Variants in CUBN observed in about 807,000 individuals in gnomAD.
CUBN encodes 460 kDa receptor.
In CUBN, 282 loss-of-function variants were observed where a neutral mutation model predicts 405.3. That is an observed-to-expected ratio of 0.70 (90% CI 0.63 to 0.77). The LOEUF (loss-of-function observed/expected upper bound fraction) is 0.77. Among genes scored for constraint, CUBN ranks in the 30% least tolerant of loss-of-function variants. The pLI, the probability that CUBN is intolerant of heterozygous loss-of-function variation, is 0.00. For synonymous variants in CUBN, 1,684 were observed against 1,617.0 expected, an observed-to-expected ratio of 1.04 and a Z score of -0.99; for missense variants, 4,514 against 4,475.2, an observed-to-expected ratio of 1.01 and a Z score of -0.25.
chr10:17,011,351 G>A (rs1186268467), intron 28 of CUBN, among the ~76,000 whole-genome samples: 1 of 152,104 alleles, frequency 6.6e-6, no homozygotes, highest in Non-Finnish European at 1.5e-5. Context: ...GTGGGTTCGT[G>A]GTCTCGCTGA....
chr10:16,928,229 C>T lies in CUBN; in HGVS notation c.6199G>A (p.Glu2067Lys). Reference sequence around the variant, plus strand: ...GAGGTGAAGCGGATGAACATGTACTCTCCAGTAGACCGGATGGGCCCAGGG... The same window carrying T: ...GAGGTGAAGCGGATGAACATGTACTTTCCAGTAGACCGGATGGGCCCAGGG... Reference protein sequence around the residue: ...EIPGPIRSTGEYMFIRFTSDS... With the variant: ...EIPGPIRSTGKYMFIRFTSDS... The change falls in exon 41 of 67, where the codon GAG becomes AAG. Residue 2067 changes from glutamate to lysine, a missense_variant. By Grantham distance (56) the Glu-to-Lys change is moderately conservative (BLOSUM62 1). This residue lies in a region of CUBN where 1,613 missense variants were observed against 1,542.8 expected (regional missense o/e 1.05). Transcript: ENST00000377833. The T allele has an allele frequency of 6.2e-7, 1 of 1,613,994 alleles. No individual in the cohort carries two copies. Among genetic ancestry groups the T allele is most frequent in the Non-Finnish European group, 8.5e-7 (1 of 1,179,906 alleles).
chr10:16,868,677 G>C (rs563176128), intron 59 of CUBN, among the ~76,000 whole-genome samples: 1 of 152,214 alleles, frequency 6.6e-6, no homozygotes, highest in South Asian at 2.1e-4. Flanking sequence ...TTTCTCACCA[G>C]TGGTGTTTGA....
chr10:16,855,558 C>T (rs1002976590), intron 59 of CUBN, among the ~76,000 whole-genome samples: 1 of 152,098 alleles, frequency 6.6e-6, no homozygotes, highest in Non-Finnish European at 1.5e-5. Context: ...ACAGCCAACC[C>T]GCAGCTTGGA....
chr10:16,859,860 T>C (rs1351254793), intron 59 of CUBN, among the ~76,000 whole-genome samples: 1 of 152,200 alleles, frequency 6.6e-6, no homozygotes, highest in Non-Finnish European at 1.5e-5. Context: ...GTACCTATTA[T>C]GTACGTAGAA....
chr10:17,125,753 G>A (rs546970086), intron 4 of CUBN, among the ~76,000 whole-genome samples: 1 of 152,186 alleles, frequency 6.6e-6, no homozygotes, highest in Non-Finnish European at 1.5e-5. Flanking sequence ...AGGGATGAGG[G>A]TAGGAGGACT....
intron 31 of CUBN, among the ~76,000 whole-genome samples, chr10:16,955,997 T>C (rs1042234102): frequency 1.3e-5 from 2 of 151,500 alleles, no homozygotes; most frequent in African/African-American, 4.9e-5. Flanking sequence ...TTGCCATTTA[T>C]ATTTCATAAG....
chr10:16,954,358 T>C, intron 32 of CUBN, 31 bp downstream of exon 32: 1 of 1,613,524 alleles, frequency 6.2e-7, no homozygotes, highest in Non-Finnish European at 8.5e-7. Context: ...AAGATTTCTC[T>C]TGTGCCTGGG....
chr10:16,842,389 T>C (rs1199831665), intron 60 of CUBN, among the ~76,000 whole-genome samples: 1 of 152,152 alleles, frequency 6.6e-6, no homozygotes, highest in African/African-American at 2.4e-5. Flanking sequence ...TCTCAATAAA[T>C]ATCTAATAAA....
chr10:16,962,153 G>A (rs1843244222), intron 31 of CUBN, among the ~76,000 whole-genome samples: 1 of 152,082 alleles, frequency 6.6e-6, no homozygotes, highest in African/African-American at 2.4e-5. Context: ...TTCTTAATCT[G>A]CAAAATTGGA....
At chr10:16,961,704 C>CTTT (rs138499807) in intron 31 of CUBN, among the ~76,000 whole-genome samples, 33 of 74,036 alleles carry the variant, frequency 4.5e-4, no homozygotes, top group South Asian at 4.0e-3. Flanking sequence ...AAAGCAATCC[C>CTTT]TTTTTTTTTT....
chr10:17,012,131 GT>G (rs779961072), intron 28 of CUBN, among the ~76,000 whole-genome samples: 13 of 152,138 alleles, frequency 8.5e-5, no homozygotes, highest in Non-Finnish European at 1.9e-4. Context: ...CTCATTTGGG[GT>G]TCCATTTGTA....
chr10:17,035,393 G>A (rs899134377), intron 27 of CUBN, among the ~76,000 whole-genome samples: 8 of 152,202 alleles, frequency 5.3e-5, no homozygotes, highest in African/African-American at 1.7e-4. Context: ...GGGAAACACG[G>A]ATGGCATGGA....
intron 66 of CUBN, among the ~76,000 whole-genome samples, chr10:16,828,222 G>A (rs1838851872): frequency 6.6e-6 from 1 of 152,066 alleles, no homozygotes; most frequent in African/African-American, 2.4e-5. Flanking sequence ...CCGATTCAGT[G>A]GGTTTCGGTG....
intron 48 of CUBN, among the ~76,000 whole-genome samples, chr10:16,912,423 A>G (rs1246959316): frequency 2.0e-5 from 3 of 152,202 alleles, no homozygotes; most frequent in African/African-American, 4.8e-5. Flanking sequence ...CTTGACCTCA[A>G]GGAGCTCACA....
At chr10:17,057,031 T>C (rs549739727) in intron 22 of CUBN, among the ~76,000 whole-genome samples, 1 of 152,018 alleles carries the variant, frequency 6.6e-6, no homozygotes, top group Non-Finnish European at 1.5e-5. Context: ...AATGAAAAGA[T>C]TGGCAATATT....
rs1026878996 is a variant in CUBN at position 16,824,255 on chromosome 10, G to A, written c.*720C>T. On this transcript the variant is annotated 3_prime_UTR_variant, in exon 67 of 67. Coordinates refer to ENST00000377833, the MANE Select transcript of CUBN (RefSeq NM_001081.4). ...TTTTGTAAAAATCAGGTCTCACTTT[G>A]TTGCCCAGGCTGGTCTCAAACTCCT... is the stretch of plus-strand genomic sequence containing the variant. 6.6e-6 allele frequency: 1 copy of A among 151,962 alleles called. No homozygotes were observed. The highest frequency in any genetic ancestry group is 2.4e-5 in the African/African-American group (1 of 41,350). The allele number at this position is 151,962 out of a possible 1,614,324, so 9.4% of individuals were successfully genotyped here.
intron 27 of CUBN, among the ~76,000 whole-genome samples, chr10:17,039,335 A>T (rs533585895): frequency 1.1e-4 from 17 of 152,342 alleles, no homozygotes; most frequent in Non-Finnish European, 1.6e-4. Context: ...TTATCATTAG[A>T]CTGATACTAA....
At chr10:17,073,811 C>T (rs1430042616) in intron 17 of CUBN, among the ~76,000 whole-genome samples, 1 of 152,192 alleles carries the variant, frequency 6.6e-6, no homozygotes, top group African/African-American at 2.4e-5. Context: ...CAAAACCTAC[C>T]TCTGTCACTT....
intron 31 of CUBN, among the ~76,000 whole-genome samples, chr10:16,959,488 T>G (rs1269485247): frequency 6.6e-6 from 1 of 151,956 alleles, no homozygotes; most frequent in Non-Finnish European, 1.5e-5. Context: ...ATTAGCCAGA[T>G]GTAGTGGCAC....
Sources: allele counts gnomAD v4.1 joint callset (sites outside exome capture counted in the v4.1 genomes callset), GRCh38; gene constraint gnomAD v4.1.1; regional missense constraint gnomAD v4.1.1; transcripts MANE v1.5; gene names NCBI Gene and HGNC (gene_info 2026-07-23, HGNC 2026-07-21).